SORL1: variants seen among roughly 807,000 people sequenced by gnomAD.
The protein encoded by SORL1 is sortilin-related receptor.
Under a neutral mutation model 273.7 loss-of-function variants are expected in SORL1, and 127 were observed. That is an observed-to-expected ratio of 0.46 (90% CI 0.40 to 0.54). The LOEUF is 0.54. Among genes scored for constraint, SORL1 ranks in the 20% least tolerant of loss-of-function variants. The pLI is 0.00. For synonymous variants in SORL1, 1,031 were observed against 1,067.4 expected, an observed-to-expected ratio of 0.97 and a Z score of 0.66; for missense variants, 2,494 against 2,846.1, an observed-to-expected ratio of 0.88 and a Z score of 2.81.
At chr11:121,577,023 A>T (rs1421713187) in intron 24 of SORL1, 3 of 1,354,040 alleles carry the variant, frequency 2.2e-6, no homozygotes, top group Non-Finnish European at 3.1e-6. Flanking sequence ...ATGGACAAGG[A>T]TGCTGTTGTC....
At position 121,566,861 on chromosome 11, in the gene SORL1, C is replaced by T. The variant is rs571915248; in HGVS notation, c.3050-79C>T. 605 of 1,324,688 alleles carry T rather than the reference C, an allele frequency of 4.6e-4. 4 individuals are homozygous for T. The South Asian group carries it at 5.9e-3, about 13-fold the overall frequency. 82.1% of individuals were successfully genotyped at this position (1,324,688 alleles called of 1,614,324 possible). ...TCCTTTCCGTAAGACGAGGAGGTTG[C>T]AGTGGGTCTCCTTCTTGTATTCAGT... On this transcript the variant is annotated intron_variant, in intron 21 of 47. Coordinates refer to ENST00000260197, the MANE Select transcript of SORL1 (RefSeq NM_003105.6).
chr11:121,498,561 T>A (rs1689641084), intron 6 of SORL1, among the ~76,000 whole-genome samples: 1 of 152,146 alleles, frequency 6.6e-6, no homozygotes, highest in African/African-American at 2.4e-5. Flanking sequence ...TTTCTAGGTG[T>A]CACGGTCGAG....
In SORL1 at chr11:121,572,495, A is replaced by G. The variant is rs548664279; in HGVS notation, c.3338-1746A>G. 2.0e-5 allele frequency among the ~76,000 whole-genome samples: 3 copies of G among 152,250 alleles called. No individual in the cohort carries two copies. In the East Asian group the frequency reaches 5.8e-4, roughly 29 times the overall value. On this transcript the variant is annotated intron_variant, in intron 23 of 47. Transcript: ENST00000260197. ...TGGAGCTGAGGCGTGGAGAGGAGGA[A>G]CCAGAAGGATTTAAAACTCAGAGAC...
intron 16 of SORL1, among the ~76,000 whole-genome samples, chr11:121,552,407 G>A (rs1281023980): frequency 5.3e-5 from 8 of 152,162 alleles, no homozygotes; most frequent in South Asian, 2.1e-4. Context: ...CCTAAAACAC[G>A]TATTTCTGGA....
At chr11:121,580,604 C>CTTTTTTT (rs11404598) in intron 25 of SORL1, among the ~76,000 whole-genome samples, 1 of 115,488 alleles carries the variant, frequency 8.7e-6, no homozygotes, top group Non-Finnish European at 1.7e-5. Context: ...CATGCACTTA[C>CTTTTTTT]TTTTTTTTTT....
chr11:121,524,976 A>T (rs1348552396), intron 11 of SORL1, among the ~76,000 whole-genome samples: 8 of 152,134 alleles, frequency 5.3e-5, no homozygotes, highest in African/African-American at 1.9e-4. Context: ...TAACAAATTT[A>T]TTGAAGCAGA....
intron 12 of SORL1, among the ~76,000 whole-genome samples, chr11:121,536,781 C>T (rs1329273037): frequency 2.0e-5 from 3 of 152,028 alleles, no homozygotes; most frequent in Non-Finnish European, 1.5e-5. Context: ...CTTCAACAAG[C>T]GTTTATGAAT....
At chr11:121,502,671 C>A (rs1237065761) in intron 6 of SORL1, among the ~76,000 whole-genome samples, 1 of 152,022 alleles carries the variant, frequency 6.6e-6, no homozygotes, top group Non-Finnish European at 1.5e-5. Flanking sequence ...TGGCTGTTGG[C>A]CATTTGTATG....
chr11:121,563,943 G>A lies in SORL1; in HGVS notation c.3050-2997G>A, dbSNP rs1430228795. Among the ~76,000 whole-genome samples, 1 of 152,206 alleles carries A rather than the reference G, an allele frequency of 6.6e-6. No individual in the cohort carries two copies. The highest frequency in any genetic ancestry group is 6.5e-5 in the Admixed American group (1 of 15,286). On this transcript the variant is annotated intron_variant, in intron 21 of 47. Coordinates refer to ENST00000260197, the MANE Select transcript of SORL1 (RefSeq NM_003105.6). This position sits in a 1 kb window ranked among gnomAD's most constrained non-coding sequence, Gnocchi z 4.2. ...TAGATTTGATTTTGATAATTGCCAAGTGTATAGATACTTGAGATGATGACA... is the reference window on the plus strand; with the variant it reads ...TAGATTTGATTTTGATAATTGCCAAATGTATAGATACTTGAGATGATGACA...
rs183215226 is a variant in SORL1 at position 121,559,304 on chromosome 11, A to T, written c.2911-215A>T. 6.6e-5 allele frequency among the ~76,000 whole-genome samples: 10 copies of T among 152,306 alleles called. No homozygotes were observed. The East Asian group carries it at 1.2e-3, about 18-fold the overall frequency. ...GTTTGTGTCATAAACTTGAATGCTT[A>T]TCAGATAGTTTCTTTTGGGCAGTTT... On this transcript the variant is annotated intron_variant, in intron 20 of 47. Transcript: ENST00000260197.
chr11:121,600,733 G>A (rs940818379), intron 32 of SORL1, among the ~76,000 whole-genome samples: 14 of 152,148 alleles, frequency 9.2e-5, no homozygotes, highest in Non-Finnish European at 1.9e-4. Context: ...AAAATGAAAT[G>A]AGATTAGTGT....
At chr11:121,512,932 T>C in intron 6 of SORL1, 71 bp from the exon 7 acceptor site, 1 of 1,055,328 alleles carries the variant, frequency 9.5e-7, no homozygotes, top group South Asian at 1.3e-5. Context: ...ACTCTTCTAT[T>C]TTTATTTTTG....
intron 38 of SORL1, chr11:121,610,861 G>A (rs1329732639): frequency 8.4e-6 from 4 of 478,042 alleles, no homozygotes; most frequent in Admixed American, 3.6e-5. Flanking sequence ...AGCCGACTGA[G>A]CCAAGATAGT....
chr11:121,497,624 C>G (rs142536850), intron 6 of SORL1, among the ~76,000 whole-genome samples: 1 of 152,132 alleles, frequency 6.6e-6, no homozygotes, highest in African/African-American at 2.4e-5. Flanking sequence ...AGCCAGATGC[C>G]GAAATGGTGG....
intron 35 of SORL1, among the ~76,000 whole-genome samples, chr11:121,606,599 C>T (rs1053314768): frequency 9.2e-5 from 14 of 152,152 alleles, no homozygotes; most frequent in African/African-American, 3.4e-4. Flanking sequence ...TCCTGCAGCC[C>T]TTATGAGCCA....
At chr11:121,587,884 A>G (rs1863142154) in intron 27 of SORL1, 136 bp from the exon 28 acceptor site, 1 of 962,312 alleles carries the variant, frequency 1.0e-6, no homozygotes, top group East Asian at 2.6e-5. Flanking sequence ...TTGGCAGAAA[A>G]CAAGTGCTCA....
In SORL1 at chr11:121,453,934, GA is replaced by G. The variant is rs377115929; in HGVS notation, c.285+1321del. The stretch of plus-strand genomic sequence containing the variant: ...ATAAAATAGATCTGGTATAAAGGGG[GA>G]AAGGATGGTGGTGACTGGGTGGGAG... On this transcript the variant is annotated intron_variant, in intron 1 of 47. Transcript: ENST00000260197. Among the ~76,000 whole-genome samples, 58 of 152,368 alleles carry G rather than the reference GA, an allele frequency of 3.8e-4. 3 individuals carry two copies. Among genetic ancestry groups the G allele is most frequent in the African/African-American group, 1.4e-3 (57 of 41,596 alleles).
intron 2 of SORL1, among the ~76,000 whole-genome samples, chr11:121,470,832 C>G (rs1219558222): frequency 6.6e-6 from 1 of 152,144 alleles, no homozygotes; most frequent in Non-Finnish European, 1.5e-5. Flanking sequence ...TGCACACCAG[C>G]ATGGCTGGCT....
intron 1 of SORL1, among the ~76,000 whole-genome samples, chr11:121,461,577 G>C (rs1172109084): frequency 2.0e-5 from 3 of 152,190 alleles, no homozygotes; most frequent in African/African-American, 7.2e-5. Flanking sequence ...AGAGGCCTTC[G>C]GTTCTGGGAT....
Sources: allele counts gnomAD v4.1 joint callset (sites outside exome capture counted in the v4.1 genomes callset), GRCh38; gene constraint gnomAD v4.1.1; non-coding constraint Gnocchi (gnomAD v3.1); transcripts MANE v1.5; gene names NCBI Gene and HGNC (gene_info 2026-07-23, HGNC 2026-07-21).